Variants in TNS1 observed in about 807,000 individuals in gnomAD.
TNS1 encodes the protein tensin-1.
TNS1 carries 62 observed loss-of-function variants against 168.6 expected under a neutral mutation model. The ratio of observed to expected loss-of-function variants is 0.37; its 90% confidence interval spans 0.30 to 0.45. The LOEUF (loss-of-function observed/expected upper bound fraction) is 0.45, where lower values mean the gene tolerates loss of function less well. Among genes scored for constraint, TNS1 ranks in the 20% least tolerant of loss-of-function variants. TNS1 has a pLI of 1.00. For missense variants in TNS1, 2,240 were observed against 2,339.4 expected, an observed-to-expected ratio of 0.96 and a Z score of 0.88; for synonymous variants, 934 against 933.2, an observed-to-expected ratio of 1.00 and a Z score of -0.02.
At chr2:217,907,967 G>A (rs553231248) in intron 4 of TNS1, among the ~76,000 whole-genome samples, 8 of 152,278 alleles carry the variant, frequency 5.3e-5, no homozygotes, top group Admixed American at 1.3e-4. Flanking sequence ...CCAGCAAGTA[G>A]GATCTCTTTC....
chr2:217,850,430 C>T, intron 18 of TNS1: 2 of 985,174 alleles, frequency 2.0e-6, no homozygotes, highest in African/African-American at 1.7e-5. Flanking sequence ...CTCTGAGGAC[C>T]CCCCTGAGCA....
intron 4 of TNS1, among the ~76,000 whole-genome samples, chr2:217,916,200 T>A (rs551185978): frequency 5.3e-5 from 8 of 152,274 alleles, no homozygotes; most frequent in African/African-American, 1.9e-4. Flanking sequence ...CTATTATGAG[T>A]GAAACCAGCC....
At chr2:217,908,686 C>A (rs938020785) in intron 4 of TNS1, among the ~76,000 whole-genome samples, 19 of 152,170 alleles carry the variant, frequency 1.2e-4, no homozygotes, top group Admixed American at 9.2e-4. Flanking sequence ...GACTCATCTA[C>A]CCCTACTGCC....
chr2:217,996,073 C>T (rs929881156), intron 1 of TNS1, among the ~76,000 whole-genome samples: 2 of 152,162 alleles, frequency 1.3e-5, no homozygotes, highest in Non-Finnish European at 2.9e-5. Context: ...CCTCCCTGCC[C>T]CGTGGGGGCA....
chr2:217,979,125 C>G (rs1957973940), intron 2 of TNS1, among the ~76,000 whole-genome samples: 1 of 151,924 alleles, frequency 6.6e-6, no homozygotes, highest in African/African-American at 2.4e-5. Flanking sequence ...AGAGGTAGCC[C>G]GGACCCGGGC....
At chr2:217,923,548 G>T (rs1955847876) in intron 3 of TNS1, among the ~76,000 whole-genome samples, 1 of 152,152 alleles carries the variant, frequency 6.6e-6, no homozygotes, top group South Asian at 2.1e-4. Flanking sequence ...GCAAAGTCAG[G>T]GTCCGGGTCT....
At chr2:217,982,719 A>G (rs2126061675) in intron 2 of TNS1, among the ~76,000 whole-genome samples, 1 of 152,136 alleles carries the variant, frequency 6.6e-6, no homozygotes, top group South Asian at 2.1e-4. Flanking sequence ...ATTTTAAACC[A>G]CTAAGTTTAC....
At position 217,814,911 on chromosome 2, in the gene TNS1, C is replaced by T. The variant is rs1165040366; in HGVS notation, c.4729+1G>A. On this transcript the variant is annotated splice_donor_variant, in intron 25 of 32. Transcript: ENST00000682258. LOFTEE classifies it high-confidence loss of function. ...GATGCACCACAGAGCCCAGCACTCA[C>T]CCTGCTCCCTGGAGATCTCAGGCTT... The T allele has an allele frequency of 6.2e-7, 1 of 1,612,508 alleles. No individual in the cohort carries two copies. Among genetic ancestry groups the T allele is most frequent in the Non-Finnish European group, 8.5e-7 (1 of 1,179,308 alleles).
intron 1 of TNS1, among the ~76,000 whole-genome samples, chr2:217,997,760 G>T (rs114539394): frequency 6.6e-6 from 1 of 152,202 alleles, no homozygotes; most frequent in Non-Finnish European, 1.5e-5. Context: ...AGATTATGCC[G>T]TAAAGTCGGT....
chr2:217,947,277 T>C (rs913834715), intron 3 of TNS1, among the ~76,000 whole-genome samples: 6 of 151,102 alleles, frequency 4.0e-5, no homozygotes, highest in Non-Finnish European at 5.9e-5. Flanking sequence ...TGGAGCCCGA[T>C]GGAACTTGGG....
chr2:217,822,201 T>A (rs1033977601), intron 22 of TNS1, among the ~76,000 whole-genome samples: 1 of 152,052 alleles, frequency 6.6e-6, no homozygotes, highest in African/African-American at 2.4e-5. Context: ...GACTCTTCCC[T>A]CCAAGGACTA....
intron 2 of TNS1, among the ~76,000 whole-genome samples, chr2:217,988,826 C>T (rs1237982569): frequency 6.6e-6 from 1 of 152,222 alleles, no homozygotes. Flanking sequence ...GCGACGTGAC[C>T]ACTGCCAACC....
chr2:217,927,238 G>T (rs546781569), intron 3 of TNS1, among the ~76,000 whole-genome samples: 197 of 152,328 alleles, frequency 1.3e-3, no homozygotes, highest in Non-Finnish European at 2.0e-3. Flanking sequence ...ATGGAGGTGG[G>T]AATGCTTGGC....
intron 16 of TNS1, among the ~76,000 whole-genome samples, chr2:217,883,488 C>T (rs1206019926): frequency 6.6e-6 from 1 of 152,138 alleles, no homozygotes; most frequent in Admixed American, 6.5e-5. Context: ...TAGTCTTAAA[C>T]TCCTGGCCTC....
intron 3 of TNS1, 103 bp from the exon 4 acceptor site, chr2:217,920,339 CA>C: frequency 1.0e-5 from 7 of 689,164 alleles, no homozygotes; most frequent in Admixed American, 4.1e-5. Flanking sequence ...CATTCCCTCA[CA>C]CGGGCTGACA....
intron 6 of TNS1, among the ~76,000 whole-genome samples, chr2:217,902,909 T>C (rs1953185482): frequency 6.6e-6 from 1 of 152,144 alleles, no homozygotes; most frequent in South Asian, 2.1e-4. Flanking sequence ...ACAGCAGACA[T>C]GCACGGTGAC....
intron 19 of TNS1, among the ~76,000 whole-genome samples, chr2:217,844,036 C>T (rs1323688645): frequency 6.6e-6 from 1 of 152,136 alleles, no homozygotes; most frequent in Non-Finnish European, 1.5e-5. Flanking sequence ...ACCCAACGTC[C>T]TCCTCCTGCC....
intron 1 of TNS1, among the ~76,000 whole-genome samples, chr2:218,025,671 G>A (rs1242256658): frequency 6.7e-6 from 1 of 148,186 alleles, no homozygotes; most frequent in African/African-American, 2.4e-5. Flanking sequence ...CTGGGAGACA[G>A]GGGATTTCTT....
chr2:217,817,936 C>T lies in TNS1; in HGVS notation c.4396G>A (p.Gly1466Ser). The change falls in exon 24 of 33, where the codon GGC becomes AGC. Residue 1466 changes from glycine (G) to serine (S), a missense_variant. Coordinates refer to ENST00000682258, the MANE Select transcript of TNS1 (RefSeq NM_001387777.1). ...SFPVSPAYYPGLSSPATSPSP... is the reference protein window; with the variant it reads ...SFPVSPAYYPSLSSPATSPSP... Reference sequence around the variant, plus strand: ...GGGGAGGTGGCAGGGCTGCTCAGGCCAGGGTAGTAGGCAGGGGAGACAGGG... The same window carrying T: ...GGGGAGGTGGCAGGGCTGCTCAGGCTAGGGTAGTAGGCAGGGGAGACAGGG... 6.2e-7 allele frequency: 1 copy of T among 1,612,340 alleles called. No individual in the cohort carries two copies. The highest frequency in any genetic ancestry group is 8.5e-7 in the Non-Finnish European group (1 of 1,179,262).
Sources: gnomAD v4.1 joint callset for allele counts (sites outside exome capture counted in the v4.1 genomes callset) on GRCh38, gnomAD v4.1.1 for gene constraint, MANE v1.5 for transcripts, NCBI Gene and HGNC (gene_info 2026-07-23, HGNC 2026-07-21) for gene names.